The following AGBL4 variants were observed in gnomAD, a reference collection of about 807,000 sequenced individuals.
AGBL4 encodes cytosolic carboxypeptidase 6.
Under a neutral mutation model 66.4 loss-of-function variants are expected in AGBL4, and 58 were observed. The observed-to-expected ratio is 0.87, with a 90% CI of 0.71 to 1.09. The LOEUF is 1.09. Ranked by LOEUF, AGBL4 falls within the 50% of genes least tolerant of loss-of-function variation. The pLI, the probability that AGBL4 is intolerant of heterozygous loss-of-function variation, is 0.00. For missense variants in AGBL4, 579 were observed against 631.0 expected, an observed-to-expected ratio of 0.92 and a Z score of 0.88; for synonymous variants, 234 against 222.9, an observed-to-expected ratio of 1.05 and a Z score of -0.44.
rs528221938 is a variant in AGBL4 at position 49,470,311 on chromosome 1, G to T, written c.283-224447C>A. Reference sequence around the variant, plus strand: ...ACTCGCTCCATACATTCATCAAAAAGACTTAGAAGTTCCAGGCAATGCTAC... The same window carrying T: ...ACTCGCTCCATACATTCATCAAAAATACTTAGAAGTTCCAGGCAATGCTAC... On this transcript the variant is annotated intron_variant, in intron 3 of 13. Coordinates refer to ENST00000371839, the MANE Select transcript of AGBL4 (RefSeq NM_032785.4). Among the ~76,000 whole-genome samples the T allele has an allele frequency of 7.2e-5, 11 of 151,940 alleles. No homozygotes were observed. In the East Asian group the frequency reaches 1.8e-3, roughly 24 times the overall value.
At chr1:49,667,401 C>T (rs1051265785) in intron 3 of AGBL4, among the ~76,000 whole-genome samples, 2 of 151,940 alleles carry the variant, frequency 1.3e-5, no homozygotes, top group Non-Finnish European at 2.9e-5. Flanking sequence ...AAGGCTTCAA[C>T]GAGCTGTGAT....
At chr1:49,492,777 C>T (rs1458251532) in intron 3 of AGBL4, among the ~76,000 whole-genome samples, 1 of 151,806 alleles carries the variant, frequency 6.6e-6, no homozygotes, top group Non-Finnish European at 1.5e-5. Context: ...AACAGCAGAG[C>T]CCTGGTGTCA....
intron 2 of AGBL4, among the ~76,000 whole-genome samples, chr1:49,710,764 C>T (rs575763552): frequency 3.3e-5 from 5 of 151,920 alleles, no homozygotes; most frequent in African/African-American, 1.2e-4. Context: ...CACTTTACCT[C>T]TTTAGTTCTC....
chr1:49,786,081 G>A (rs1305098733), intron 2 of AGBL4, among the ~76,000 whole-genome samples: 1 of 151,522 alleles, frequency 6.6e-6, no homozygotes. Flanking sequence ...GAAAACAAAG[G>A]GAAATGTTTT....
At chr1:49,591,567 C>G (rs546264839) in intron 3 of AGBL4, among the ~76,000 whole-genome samples, 2 of 152,170 alleles carry the variant, frequency 1.3e-5, no homozygotes, top group African/African-American at 4.8e-5. Context: ...TGACATTCTT[C>G]ACAGAACAAG....
chr1:49,099,347 C>T (rs1271807819), intron 4 of AGBL4, among the ~76,000 whole-genome samples: 1 of 152,120 alleles, frequency 6.6e-6, no homozygotes, highest in Non-Finnish European at 1.5e-5. Context: ...ACATTATAAC[C>T]TCTTGAGGCA....
intron 3 of AGBL4, among the ~76,000 whole-genome samples, chr1:49,493,194 C>G (rs1243672605): frequency 6.6e-6 from 1 of 151,922 alleles, no homozygotes; most frequent in Non-Finnish European, 1.5e-5. Flanking sequence ...CAAACAATAT[C>G]AAGCACTTAC....
intron 1 of AGBL4, among the ~76,000 whole-genome samples, chr1:49,940,025 T>A (rs1240654135): frequency 6.6e-6 from 1 of 151,794 alleles, no homozygotes; most frequent in Non-Finnish European, 1.5e-5. Flanking sequence ...AACAACCCCA[T>A]CAAAAAGTGG....
intron 2 of AGBL4, among the ~76,000 whole-genome samples, chr1:49,833,308 A>C (rs1314712952): frequency 1.3e-5 from 2 of 151,066 alleles, no homozygotes; most frequent in Non-Finnish European, 3.0e-5. Flanking sequence ...AGTTGTAGAT[A>C]TGCGGCGTTA....
intron 5 of AGBL4, among the ~76,000 whole-genome samples, chr1:48,957,356 T>C (rs1314865718): frequency 6.6e-6 from 1 of 152,230 alleles, no homozygotes; most frequent in African/African-American, 2.4e-5. Context: ...GCAATGTGTA[T>C]GATCTGACCA....
intron 10 of AGBL4, among the ~76,000 whole-genome samples, chr1:48,589,764 C>T (rs1644883555): frequency 6.6e-6 from 1 of 152,134 alleles, no homozygotes; most frequent in South Asian, 2.1e-4. Flanking sequence ...AATTATCGTC[C>T]AGCAATTACA....
At chr1:49,863,294 G>T (rs991991408) in intron 1 of AGBL4, among the ~76,000 whole-genome samples, 19 of 152,054 alleles carry the variant, frequency 1.2e-4, no homozygotes, top group African/African-American at 4.6e-4. Flanking sequence ...AATCAAAATT[G>T]GTTAAATACC....
In AGBL4 at chr1:48,991,791, A is replaced by G. The variant is rs144827865; in HGVS notation, c.594+53793T>C. ...ATGAGACTCTGATGCATTCTTTAGT[A>G]TGTTAATTGTATTTTTCAGCTCCAG... On this transcript the variant is annotated intron_variant, in intron 5 of 13. Coordinates refer to ENST00000371839, the MANE Select transcript of AGBL4 (RefSeq NM_032785.4). 2.0e-3 allele frequency among the ~76,000 whole-genome samples: 304 copies of G among 152,074 alleles called. 2 individuals carry two copies. The highest frequency in any genetic ancestry group is 7.1e-3 in the African/African-American group (294 of 41,478).
chr1:49,747,430 A>T (rs553831046), intron 2 of AGBL4, among the ~76,000 whole-genome samples: 2 of 152,300 alleles, frequency 1.3e-5, no homozygotes, highest in South Asian at 4.1e-4. Context: ...AATATAACAT[A>T]AGAAATTCTG....
intron 5 of AGBL4, among the ~76,000 whole-genome samples, chr1:48,959,712 A>C (rs1174775156): frequency 1.3e-5 from 2 of 152,222 alleles, no homozygotes; most frequent in Admixed American, 6.5e-5. Context: ...TCTAGAAAGA[A>C]TATTCTGGGT....
At chr1:49,554,473 C>T (rs1199952569) in intron 3 of AGBL4, among the ~76,000 whole-genome samples, 1 of 152,138 alleles carries the variant, frequency 6.6e-6, no homozygotes, top group Non-Finnish European at 1.5e-5. Flanking sequence ...TTTTAGCTTA[C>T]TAAACAAATT....
At chr1:49,879,903 C>T (rs1647163461) in intron 1 of AGBL4, among the ~76,000 whole-genome samples, 1 of 134,230 alleles carries the variant, frequency 7.4e-6, no homozygotes. Context: ...CGCTTCATTT[C>T]ATTCATTTCA....
intron 6 of AGBL4, among the ~76,000 whole-genome samples, chr1:48,849,122 T>G (rs1384488321): frequency 2.6e-5 from 4 of 152,212 alleles, no homozygotes; most frequent in Non-Finnish European, 5.9e-5. Context: ...GAGCAGTACT[T>G]CAGACTTCAG....
intron 3 of AGBL4, among the ~76,000 whole-genome samples, chr1:49,372,615 C>CTT (rs1325688206): frequency 1.3e-4 from 3 of 22,372 alleles, no homozygotes; most frequent in African/African-American, 5.9e-4. Context: ...CTTTTTCTTT[C>CTT]TTTCTTTCTT....
Sources: allele counts gnomAD v4.1 joint callset (sites outside exome capture counted in the v4.1 genomes callset), GRCh38; gene constraint gnomAD v4.1.1; transcripts MANE v1.5; gene names NCBI Gene and HGNC (gene_info 2026-07-23, HGNC 2026-07-21).